Variants in CARMIL1 observed in about 807,000 individuals in gnomAD.
CARMIL1 encodes F-actin-uncapping protein LRRC16A.
A neutral mutation model predicts 177.1 loss-of-function variants in CARMIL1; 90 were observed. The ratio of observed to expected loss-of-function variants is 0.51; its 90% CI spans 0.43 to 0.61. The LOEUF (loss-of-function observed/expected upper bound fraction) is 0.61. Among genes scored for constraint, CARMIL1 ranks in the 20% least tolerant of loss-of-function variants. The pLI is 0.00. For synonymous variants in CARMIL1, 577 were observed against 606.2 expected (o/e 0.95, Z 0.71); for missense variants, 1,380 against 1,667.0 (o/e 0.83, Z 3.00).
intron 12 of CARMIL1, among the ~76,000 whole-genome samples, chr6:25,484,926 C>A (rs1802475250): frequency 6.6e-6 from 1 of 152,042 alleles, no homozygotes; most frequent in Non-Finnish European, 1.5e-5. Context: ...ATTCTAGCCA[C>A]CCAGGAGGCT....
chr6:25,505,102 A>C (rs1031619385), intron 17 of CARMIL1, among the ~76,000 whole-genome samples: 2 of 152,192 alleles, frequency 1.3e-5, no homozygotes, highest in Non-Finnish European at 2.9e-5. Context: ...TCTTTACCAA[A>C]ACATTTTTGG....
chr6:25,331,626 T>C (rs530830642), intron 2 of CARMIL1, among the ~76,000 whole-genome samples: 115 of 152,318 alleles, frequency 7.5e-4, no homozygotes, highest in African/African-American at 2.5e-3. Context: ...AATCTGAGTC[T>C]CTTGCAGGAC....
At chr6:25,529,021 C>T in intron 24 of CARMIL1, 128 bp downstream of exon 24, 1 of 691,262 alleles carries the variant, frequency 1.4e-6, no homozygotes, top group East Asian at 2.8e-5. Context: ...GACAACAAAT[C>T]TAAGTAGAGT....
chr6:25,281,816 A>G (rs916228985), intron 1 of CARMIL1, among the ~76,000 whole-genome samples: 3 of 152,154 alleles, frequency 2.0e-5, no homozygotes, highest in African/African-American at 7.2e-5. Flanking sequence ...AAGATATTTA[A>G]AAAGTGTTAC....
chr6:25,357,619 G>C, intron 2 of CARMIL1, among the ~76,000 whole-genome samples: 1 of 152,038 alleles, frequency 6.6e-6, no homozygotes, highest in East Asian at 1.9e-4. Context: ...ACATTTTTTT[G>C]AGTGTTATGG....
intron 21 of CARMIL1, among the ~76,000 whole-genome samples, chr6:25,517,043 A>G (rs16890702): frequency 0.027 from 4,045 of 152,290 alleles, 160 homozygotes; most frequent in African/African-American, 0.086. Flanking sequence ...TATCAGAGAA[A>G]TATCAGAATT....
At chr6:25,544,872 A>C (rs1398542405) in intron 26 of CARMIL1, among the ~76,000 whole-genome samples, 1 of 152,204 alleles carries the variant, frequency 6.6e-6, no homozygotes, top group Non-Finnish European at 1.5e-5. Context: ...CCAAGGTCCT[A>C]GTTTTATTCT....
intron 29 of CARMIL1, among the ~76,000 whole-genome samples, chr6:25,565,583 A>C (rs1190407288): frequency 1.3e-5 from 2 of 152,202 alleles, no homozygotes. Flanking sequence ...ACAGTGGCTC[A>C]CGCCTGTAAT....
chr6:25,472,866 G>A (rs918312273), intron 11 of CARMIL1, among the ~76,000 whole-genome samples: 1 of 152,124 alleles, frequency 6.6e-6, no homozygotes, highest in Non-Finnish European at 1.5e-5. Flanking sequence ...GTCTGGGTAC[G>A]GGTTAGCTGG....
chr6:25,476,218 T>A (rs1040657467), intron 11 of CARMIL1, among the ~76,000 whole-genome samples: 1 of 152,224 alleles, frequency 6.6e-6, no homozygotes, highest in Non-Finnish European at 1.5e-5. Flanking sequence ...ACTTTTTCCC[T>A]CTGCTTTCCT....
chr6:25,533,880 C>G (rs1313370977), intron 24 of CARMIL1, among the ~76,000 whole-genome samples: 3 of 152,122 alleles, frequency 2.0e-5, no homozygotes, highest in Non-Finnish European at 4.4e-5. Flanking sequence ...CTTTGGCCTT[C>G]TGAGATATCA....
intron 32 of CARMIL1, among the ~76,000 whole-genome samples, chr6:25,595,609 C>A (rs749819346): frequency 2.0e-5 from 3 of 152,250 alleles, no homozygotes; most frequent in Non-Finnish European, 4.4e-5. Flanking sequence ...CTCCCACCCC[C>A]CCGAATTAAT....
intron 2 of CARMIL1, among the ~76,000 whole-genome samples, chr6:25,299,418 C>G (rs932773200): frequency 6.6e-6 from 1 of 151,766 alleles, no homozygotes; most frequent in Non-Finnish European, 1.5e-5. Flanking sequence ...GTGATCTGCC[C>G]GCCTCGGCCT....
chr6:25,426,506 G>A lies in CARMIL1; in HGVS notation c.195G>A (p.Glu65=). The stretch of plus-strand genomic sequence containing the variant: ...TCCTTTCCCCTCAATTGCAGCTCGA[G>A]TTAACCTTCAGCTACTTGGAGATTC... The part of the protein sequence containing the change: ...LVTARIPTKL[E]LTFSYLEIHG... The change falls in exon 4 of 37, where the codon GAG becomes GAA. Residue 65 remains glutamate, a synonymous_variant. Transcript: ENST00000329474. The A allele has an allele frequency of 6.2e-7, 1 of 1,610,546 alleles. No individual in the cohort carries two copies. Among genetic ancestry groups the A allele is most frequent in the South Asian group, 1.1e-5 (1 of 90,860 alleles).
chr6:25,450,259 C>G (rs1013959860), intron 6 of CARMIL1, 80 bp from the exon 7 acceptor site: 1 of 962,452 alleles, frequency 1.0e-6, no homozygotes, highest in Non-Finnish European at 1.6e-6. Context: ...TTGTCAACAT[C>G]GGCCATATTT....
chr6:25,546,741 T>A (rs989460916), intron 26 of CARMIL1, among the ~76,000 whole-genome samples: 1 of 149,112 alleles, frequency 6.7e-6, no homozygotes, highest in African/African-American at 2.5e-5. Context: ...TCATTAAAAA[T>A]ACTCACCATT....
intron 2 of CARMIL1, among the ~76,000 whole-genome samples, chr6:25,351,867 A>G (rs1436758238): frequency 6.6e-6 from 1 of 152,212 alleles, no homozygotes; most frequent in Non-Finnish European, 1.5e-5. Flanking sequence ...TATGAAAAAA[A>G]AAATCTTATT....
At chr6:25,421,114 C>T (rs576490305) in intron 3 of CARMIL1, among the ~76,000 whole-genome samples, 1 of 152,340 alleles carries the variant, frequency 6.6e-6, no homozygotes, top group East Asian at 1.9e-4. Context: ...GCCTCTGCTT[C>T]TGTTATTGCT....
intron 17 of CARMIL1, among the ~76,000 whole-genome samples, chr6:25,506,375 G>A (rs775727445): frequency 4.6e-5 from 7 of 152,122 alleles, no homozygotes; most frequent in Non-Finnish European, 7.4e-5. Context: ...GGTGAAACCC[G>A]TCTCTACTAA....
Sources: gnomAD v4.1 joint callset for allele counts (sites outside exome capture counted in the v4.1 genomes callset) on GRCh38, gnomAD v4.1.1 for gene constraint, MANE v1.5 for transcripts, NCBI Gene and HGNC (gene_info 2026-07-23, HGNC 2026-07-21) for gene names.